The following ULK4 variants were observed in gnomAD, a reference collection of about 807,000 sequenced individuals.
ULK4 encodes the protein inactive serine/threonine-protein kinase ULK4.
Under a neutral mutation model 160.6 loss-of-function variants are expected in ULK4, and 133 were observed. The observed-to-expected ratio is 0.83, with a 90% CI of 0.72 to 0.96. The LOEUF (loss-of-function observed/expected upper bound fraction) is 0.96, where lower values mean the gene tolerates loss of function less well. ULK4 is among the 40% of genes least tolerant of loss of function. The pLI is 0.00. For synonymous variants in ULK4, 534 were observed against 539.8 expected, an observed-to-expected ratio of 0.99 and a Z score of 0.15; for missense variants, 1,580 against 1,499.5, an observed-to-expected ratio of 1.05 and a Z score of -0.89.
intron 30 of ULK4, among the ~76,000 whole-genome samples, chr3:41,645,523 C>G (rs149970299): frequency 8.4e-4 from 127 of 151,498 alleles, no homozygotes; most frequent in African/African-American, 2.0e-3. Flanking sequence ...TCTTAATCCT[C>G]AGTTCTAGTT....
chr3:41,372,248 C>T (rs2081384937), intron 35 of ULK4, among the ~76,000 whole-genome samples: 2 of 152,086 alleles, frequency 1.3e-5, no homozygotes, highest in Non-Finnish European at 2.9e-5. Flanking sequence ...AGAACTTCCC[C>T]AACCTAGCAA....
chr3:41,254,973 G>C (rs1412128153), intron 35 of ULK4, among the ~76,000 whole-genome samples: 1 of 151,844 alleles, frequency 6.6e-6, no homozygotes, highest in Non-Finnish European at 1.5e-5. Flanking sequence ...CAAACATTAA[G>C]AGGAATGTGG....
intron 29 of ULK4, among the ~76,000 whole-genome samples, chr3:41,666,512 C>G (rs1419296328): frequency 1.2e-4 from 19 of 152,246 alleles, no homozygotes. Flanking sequence ...AATAAGAATC[C>G]TCTTCCACTG....
intron 21 of ULK4, among the ~76,000 whole-genome samples, chr3:41,786,242 G>A (rs957598267): frequency 6.6e-6 from 1 of 152,066 alleles, no homozygotes; most frequent in Non-Finnish European, 1.5e-5. Context: ...CCAAGAACTC[G>A]ACAAAATTAC....
At chr3:41,793,414 G>A (rs539290707) in intron 20 of ULK4, among the ~76,000 whole-genome samples, 2 of 152,220 alleles carry the variant, frequency 1.3e-5, no homozygotes, top group African/African-American at 2.4e-5. Flanking sequence ...AGGAAGAAAA[G>A]GTTTAAGAAC....
At chr3:41,513,685 A>C (rs1417760725) in intron 32 of ULK4, among the ~76,000 whole-genome samples, 1 of 152,242 alleles carries the variant, frequency 6.6e-6, no homozygotes, top group Non-Finnish European at 1.5e-5. Context: ...AGAATTGGAG[A>C]CTATTATTCT....
intron 35 of ULK4, among the ~76,000 whole-genome samples, chr3:41,331,882 T>C (rs2080449647): frequency 6.6e-6 from 1 of 152,228 alleles, no homozygotes; most frequent in South Asian, 2.1e-4. Flanking sequence ...TGTTTGTTAA[T>C]ATGGATTAAG....
rs564548129 is a variant in ULK4, at chr3:41,733,557, ATAAAT to A, written c.2322-15701_2322-15697del. Reference sequence around the variant, plus strand: ...TAAAAATAAATGTGTAACTATAATAATAAATTAAATATTTATAAAAAGAGGTAAAC... The same window carrying A: ...TAAAAATAAATGTGTAACTATAATAATAAATATTTATAAAAAGAGGTAAAC... On this transcript the variant is annotated intron_variant, in intron 22 of 36. Coordinates refer to ENST00000301831, the MANE Select transcript of ULK4 (RefSeq NM_017886.4). Among the ~76,000 whole-genome samples the A allele has an allele frequency of 4.6e-5, 7 of 152,124 alleles. No individual in the cohort carries two copies. In the South Asian group the frequency reaches 6.2e-4, roughly 14 times the overall value.
rs1559612339 is a variant in ULK4 at position 41,858,143 on chromosome 3, GTTTGTTTTTT to G, written c.1657-22182_1657-22173del. Among the ~76,000 whole-genome samples, 338 of 74,800 alleles carry G rather than the reference GTTTGTTTTTT, an allele frequency of 4.5e-3. 1 individual carries two copies. Among genetic ancestry groups the G allele is most frequent in the African/African-American group, 0.031 (322 of 10,298 alleles). 49.1% of individuals were successfully genotyped at this position (74,800 alleles called of 152,430 possible). Reference sequence around the variant, plus strand: ...TACTGTATCCCATAGGGTTTTTTTTGTTTGTTTTTTTTTTTTTTTTTTTTTTTGGCAGAAT... The same window carrying G: ...TACTGTATCCCATAGGGTTTTTTTTGTTTTTTTTTTTTTTTTTGGCAGAAT... On this transcript the variant is annotated intron_variant, in intron 17 of 36. Transcript: ENST00000301831.
chr3:41,334,171 G>A (rs1411588395), intron 35 of ULK4, among the ~76,000 whole-genome samples: 1 of 152,136 alleles, frequency 6.6e-6, no homozygotes, highest in Non-Finnish European at 1.5e-5. Context: ...GTGGTGATGG[G>A]AAGAGGGCTA....
rs754121302 is a variant in ULK4 at position 41,919,746 on chromosome 3, A to C, written c.614T>G (p.Leu205Trp). 2.9e-5 allele frequency: 47 copies of C among 1,614,056 alleles called. No individual in the cohort carries two copies. Among genetic ancestry groups the C allele is most frequent in the Non-Finnish European group, 3.9e-5 (46 of 1,180,018 alleles). ...AAACATTTCATAAAGCAGACAGCCC[A>C]AAGACCAGAGGTCACTGGAGATGGA... ...DFSISSDLWS[L>W]GCLLYEMFSG... The change falls in exon 6 of 37, where the codon TTG becomes TGG. Residue 205 changes from leucine to tryptophan, a missense_variant. Coordinates refer to ENST00000301831, the MANE Select transcript of ULK4 (RefSeq NM_017886.4).
At chr3:41,417,542 CT>C (rs1299090411) in intron 34 of ULK4, among the ~76,000 whole-genome samples, 4 of 152,146 alleles carry the variant, frequency 2.6e-5, no homozygotes, top group Non-Finnish European at 5.9e-5. Context: ...AAGGCTCCCC[CT>C]GGGAGAGCTC....
chr3:41,555,452 C>T, intron 32 of ULK4, among the ~76,000 whole-genome samples: 1 of 151,986 alleles, frequency 6.6e-6, no homozygotes, highest in Non-Finnish European at 1.5e-5. Context: ...CAGAGAAATG[C>T]AAATCAAACC....
chr3:41,920,775 T>A (rs1699154813), intron 5 of ULK4, among the ~76,000 whole-genome samples: 1 of 152,124 alleles, frequency 6.6e-6, no homozygotes, highest in Non-Finnish European at 1.5e-5. Context: ...CAGCTTTGTG[T>A]GCCCTGATGC....
intron 17 of ULK4, among the ~76,000 whole-genome samples, chr3:41,848,653 C>T (rs1316645711): frequency 1.3e-5 from 2 of 152,192 alleles, no homozygotes; most frequent in Non-Finnish European, 2.9e-5. Context: ...AGTGAAGGAA[C>T]AGCTGACGTT....
intron 35 of ULK4, among the ~76,000 whole-genome samples, chr3:41,293,926 G>A (rs1258492258): frequency 6.6e-6 from 1 of 152,200 alleles, no homozygotes; most frequent in Non-Finnish European, 1.5e-5. Context: ...TGGAGAGAAA[G>A]CAAAATGACT....
At chr3:41,840,549 T>C (rs1223385478) in intron 17 of ULK4, among the ~76,000 whole-genome samples, 1 of 152,234 alleles carries the variant, frequency 6.6e-6, no homozygotes, top group African/African-American at 2.4e-5. Flanking sequence ...CTGGTTTTTG[T>C]ATTTTTGGAG....
intron 2 of ULK4, among the ~76,000 whole-genome samples, chr3:41,940,017 A>T (rs1266697052): frequency 6.6e-6 from 1 of 151,792 alleles, no homozygotes; most frequent in Non-Finnish European, 1.5e-5. Flanking sequence ...TACCGGTGCC[A>T]TAGTTTTTGT....
At chr3:41,581,236 C>T (rs1344071374) in intron 31 of ULK4, among the ~76,000 whole-genome samples, 1 of 152,126 alleles carries the variant, frequency 6.6e-6, no homozygotes, top group African/African-American at 2.4e-5. Context: ...CTTCATCACA[C>T]AAATATTGGC....
Sources: allele counts gnomAD v4.1 joint callset (sites outside exome capture counted in the v4.1 genomes callset), GRCh38; gene constraint gnomAD v4.1.1; transcripts MANE v1.5; gene names NCBI Gene and HGNC (gene_info 2026-07-23, HGNC 2026-07-21).